The following GRID2 variants were observed in gnomAD, a reference collection of about 807,000 sequenced individuals.
GRID2 encodes the protein glutamate ionotropic receptor delta type subunit 2.
Under a neutral mutation model 114.8 loss-of-function variants are expected in GRID2, and 33 were observed. The ratio of observed to expected loss-of-function variants is 0.29; its 90% CI spans 0.22 to 0.38. The LOEUF is 0.38. Ranked by LOEUF, GRID2 falls within the 10% of genes least tolerant of loss-of-function variation. The pLI is 1.00. For missense variants in GRID2, 1,184 were observed against 1,257.7 expected (o/e 0.94, Z 0.89); for synonymous variants, 505 against 449.9 (o/e 1.12, Z -1.55).
rs1002504579 is a variant in GRID2, at chr4:93,353,565, C to A, written c.1246-42042C>A. Among the ~76,000 whole-genome samples the A allele has an allele frequency of 2.6e-5, 4 of 151,564 alleles. No individual in the cohort carries two copies. The South Asian group carries it at 6.2e-4, about 24-fold the overall frequency. On this transcript the variant is annotated intron_variant, in intron 8 of 15. Coordinates refer to ENST00000282020, the MANE Select transcript of GRID2 (RefSeq NM_001510.4). ...CATCCAAAGAGATCAGCACAGCAGC[C>A]CAAGGAGCTAGCAATAAATGTGAGA...
intron 13 of GRID2, among the ~76,000 whole-genome samples, chr4:93,518,285 G>T (rs1458547418): frequency 6.6e-6 from 1 of 151,616 alleles, no homozygotes; most frequent in Non-Finnish European, 1.5e-5. Flanking sequence ...TCTTGTTTCG[G>T]CTTGTACCAA....
intron 2 of GRID2, among the ~76,000 whole-genome samples, chr4:92,775,874 A>G (rs779123066): frequency 3.3e-5 from 5 of 152,136 alleles, no homozygotes; most frequent in Non-Finnish European, 5.9e-5. Flanking sequence ...AATGCTCACA[A>G]CAAAAATGAG....
intron 4 of GRID2, among the ~76,000 whole-genome samples, chr4:93,128,027 CAAAAAAAAA>C (rs1008311457): frequency 4.9e-5 from 1 of 20,344 alleles, no homozygotes; most frequent in Non-Finnish European, 9.7e-5. Context: ...TCCCCCGCAA[CAAAAAAAAA>C]AAAAAAAAAA....
chr4:93,007,065 T>C (rs1373404915), intron 2 of GRID2, among the ~76,000 whole-genome samples: 1 of 150,482 alleles, frequency 6.6e-6, no homozygotes, highest in East Asian at 2.0e-4. Flanking sequence ...TCTAAAAAGG[T>C]CAGAAAAGAG....
chr4:93,525,020 C>T (rs1199106963), intron 13 of GRID2, among the ~76,000 whole-genome samples: 2 of 151,806 alleles, frequency 1.3e-5, no homozygotes, highest in Non-Finnish European at 2.9e-5. Flanking sequence ...TCCAATTCTT[C>T]TTTTAATTAG....
intron 10 of GRID2, among the ~76,000 whole-genome samples, chr4:93,443,784 C>CT (rs949549838): frequency 5.3e-4 from 78 of 148,162 alleles, no homozygotes; most frequent in East Asian, 1.8e-3. Context: ...ATGGGAGAGA[C>CT]TTTTTTTTTT....
intron 2 of GRID2, among the ~76,000 whole-genome samples, chr4:93,061,308 A>G (rs1020636715): frequency 1.3e-5 from 2 of 151,176 alleles, no homozygotes. Context: ...CAGGCTATGA[A>G]GGGCCAGCTC....
At chr4:93,594,572 T>G (rs993270043) in intron 13 of GRID2, among the ~76,000 whole-genome samples, 4 of 152,200 alleles carry the variant, frequency 2.6e-5, no homozygotes, top group African/African-American at 9.6e-5. Flanking sequence ...TGAGCTGTGG[T>G]GGGCTCCACC....
chr4:92,479,876 A>G (rs1438593621), intron 1 of GRID2, among the ~76,000 whole-genome samples: 2 of 152,162 alleles, frequency 1.3e-5, no homozygotes, highest in Non-Finnish European at 2.9e-5. Context: ...AGGGAGACAT[A>G]ATGTTGGAGT....
At chr4:93,505,566 T>A (rs1049023379) in intron 12 of GRID2, among the ~76,000 whole-genome samples, 1 of 149,806 alleles carries the variant, frequency 6.7e-6, no homozygotes, top group Non-Finnish European at 1.5e-5. Context: ...GGACCTTTTA[T>A]AGTGAAGATT....
At chr4:92,676,161 C>A (rs911560812) in intron 2 of GRID2, among the ~76,000 whole-genome samples, 1 of 81,116 alleles carries the variant, frequency 1.2e-5, no homozygotes, top group African/African-American at 4.2e-5. Flanking sequence ...GTCAAGCCCC[C>A]CCCCCCCCCT....
At chr4:93,044,641 G>C (rs571195075) in intron 2 of GRID2, among the ~76,000 whole-genome samples, 367 of 152,246 alleles carry the variant, frequency 2.4e-3, no homozygotes, top group South Asian at 5.2e-3. Flanking sequence ...AAGCATTCTG[G>C]TTATTTAAGT....
chr4:93,548,218 T>C (rs1733417293), intron 13 of GRID2, among the ~76,000 whole-genome samples: 1 of 152,116 alleles, frequency 6.6e-6, no homozygotes, highest in African/African-American at 2.4e-5. Flanking sequence ...CTCTTCATTT[T>C]AAATTTAGTA....
chr4:92,914,030 T>C (rs890396734), intron 2 of GRID2, among the ~76,000 whole-genome samples: 11 of 152,252 alleles, frequency 7.2e-5, no homozygotes, highest in African/African-American at 2.6e-4. Context: ...CCAAAATATA[T>C]TGTAGTTAAT....
chr4:93,018,792 C>T (rs769187781), intron 2 of GRID2, among the ~76,000 whole-genome samples: 1 of 152,066 alleles, frequency 6.6e-6, no homozygotes, highest in Non-Finnish European at 1.5e-5. Flanking sequence ...TTGTATCCAG[C>T]AAAGTGGTAT....
At chr4:93,322,317 A>G (rs753845032) in intron 8 of GRID2, among the ~76,000 whole-genome samples, 1 of 151,982 alleles carries the variant, frequency 6.6e-6, no homozygotes, top group Non-Finnish European at 1.5e-5. Flanking sequence ...TGTCCTTGCA[A>G]TAGTTTGCTG....
At chr4:92,679,746 G>T (rs2035188775) in intron 2 of GRID2, among the ~76,000 whole-genome samples, 1 of 151,646 alleles carries the variant, frequency 6.6e-6, no homozygotes, top group Admixed American at 6.6e-5. Flanking sequence ...ATTCAGCTTG[G>T]GAAAAATATT....
chr4:92,988,814 TGTG>T (rs1754666099), intron 2 of GRID2, among the ~76,000 whole-genome samples: 1 of 152,018 alleles, frequency 6.6e-6, no homozygotes, highest in Non-Finnish European at 1.5e-5. Flanking sequence ...AAGGAAAACA[TGTG>T]GTGTGTTATT....
In GRID2 at chr4:92,452,699, A is replaced by G. The variant is rs116397168; in HGVS notation, c.89-137432A>G. Among the ~76,000 whole-genome samples, 479 of 152,058 alleles carry G rather than the reference A, an allele frequency of 3.2e-3. 4 individuals carry two copies. Among genetic ancestry groups the G allele is most frequent in the African/African-American group, 0.011 (442 of 41,480 alleles). On this transcript the variant is annotated intron_variant, in intron 1 of 15. Transcript: ENST00000282020. ...TTAAGCATGAAAGTGAGACTAATAC[A>G]TATAATAACAATTTGTGAGAACTTG...
Sources: gnomAD v4.1 joint callset for allele counts (sites outside exome capture counted in the v4.1 genomes callset) on GRCh38, gnomAD v4.1.1 for gene constraint, MANE v1.5 for transcripts, NCBI Gene and HGNC (gene_info 2026-07-23, HGNC 2026-07-21) for gene names.